The following ADAMTSL3 variants were observed in gnomAD, a reference collection of about 807,000 sequenced individuals.
The protein encoded by ADAMTSL3 is ADAMTS-like protein 3.
Under a neutral mutation model 201.7 loss-of-function variants are expected in ADAMTSL3, and 128 were observed. The ratio of observed to expected loss-of-function variants is 0.63; its 90% confidence interval spans 0.55 to 0.73. The LOEUF is 0.73. ADAMTSL3 is among the 30% of genes least tolerant of loss of function. The pLI, the probability that ADAMTSL3 is intolerant of heterozygous loss-of-function variation, is 0.00. For missense variants in ADAMTSL3, 1,990 were observed against 2,119.6 expected (o/e 0.94, Z 1.20); for synonymous variants, 738 against 748.4 (o/e 0.99, Z 0.23).
chr15:83,874,187 C>T (rs2065135177), intron 9 of ADAMTSL3, among the ~76,000 whole-genome samples: 1 of 126,498 alleles, frequency 7.9e-6, no homozygotes, highest in Non-Finnish European at 1.8e-5. Context: ...GGCAGCGAGC[C>T]ATGAAATTCA....
At chr15:83,768,798 T>C (rs1365938240) in intron 3 of ADAMTSL3, among the ~76,000 whole-genome samples, 1 of 152,184 alleles carries the variant, frequency 6.6e-6, no homozygotes, top group African/African-American at 2.4e-5. Context: ...ATTATGCTGC[T>C]AGGATGAAAG....
rs982397143 is a variant in ADAMTSL3, at chr15:83,841,659, A to G, written c.727+3444A>G. On this transcript the variant is annotated intron_variant, in intron 7 of 29. Coordinates refer to ENST00000286744, the MANE Select transcript of ADAMTSL3 (RefSeq NM_207517.3). ...CTAAAGGATGTCACACTGATACGGG[A>G]GGGGGGGCAGGAAATTGAAGGGCGG... Among the ~76,000 whole-genome samples the G allele has an allele frequency of 1.1e-4, 16 of 148,946 alleles. No individual in the cohort carries two copies. The East Asian group carries it at 2.5e-3, about 23-fold the overall frequency.
At chr15:84,037,394 G>A (rs1402596275) in intron 29 of ADAMTSL3, among the ~76,000 whole-genome samples, 5 of 152,154 alleles carry the variant, frequency 3.3e-5, no homozygotes, top group Non-Finnish European at 5.9e-5. Context: ...TAGGTGTGTA[G>A]CATTCATAAG....
At chr15:83,877,443 C>A (rs1412538007) in intron 9 of ADAMTSL3, among the ~76,000 whole-genome samples, 3 of 152,124 alleles carry the variant, frequency 2.0e-5, no homozygotes, top group South Asian at 2.1e-4. Flanking sequence ...TATTTATGGA[C>A]CCTACTTTGT....
At chr15:83,991,951 G>T (rs576753204) in intron 23 of ADAMTSL3, among the ~76,000 whole-genome samples, 1 of 152,318 alleles carries the variant, frequency 6.6e-6, no homozygotes, top group East Asian at 1.9e-4. Context: ...GGAGAGGTGG[G>T]AGTGAGGGGG....
intron 19 of ADAMTSL3, among the ~76,000 whole-genome samples, chr15:83,953,626 T>A (rs1252400492): frequency 6.6e-6 from 1 of 152,198 alleles, no homozygotes; most frequent in Non-Finnish European, 1.5e-5. Context: ...CTATTACCAG[T>A]GAGTTTTGTA....
intron 9 of ADAMTSL3, 125 bp downstream of exon 9, chr15:83,871,084 AT>A (rs2065072347): frequency 9.2e-7 from 1 of 1,091,016 alleles, no homozygotes; most frequent in African/African-American, 1.6e-5. Flanking sequence ...TGTGTCATCA[AT>A]ATTTCCATCT....
intron 16 of ADAMTSL3, among the ~76,000 whole-genome samples, chr15:83,915,501 TG>T (rs5814167): frequency 0.62 from 92,977 of 150,100 alleles, 29,685 homozygotes; most frequent in African/African-American, 0.78. Context: ...ATTCCTCTTT[TG>T]TTTTTTTTCA....
intron 27 of ADAMTSL3, among the ~76,000 whole-genome samples, chr15:84,027,680 A>T (rs2068335477): frequency 6.6e-6 from 1 of 152,098 alleles, no homozygotes; most frequent in South Asian, 2.1e-4. Flanking sequence ...ACTGCACTCC[A>T]GCCTGGGCGA....
chr15:83,822,198 CG>C (rs2063887658), intron 6 of ADAMTSL3, among the ~76,000 whole-genome samples: 1 of 144,868 alleles, frequency 6.9e-6, no homozygotes, highest in African/African-American at 2.6e-5. Flanking sequence ...CCCTCCCGGA[CG>C]GGGTGGCTGC....
rs192316721 is a variant in ADAMTSL3 at position 83,969,870 on chromosome 15, A to T, written c.2491-614A>T. On this transcript the variant is annotated intron_variant, in intron 19 of 29. Coordinates refer to ENST00000286744, the MANE Select transcript of ADAMTSL3 (RefSeq NM_207517.3). ...GCAATTCAAAATTTATTAAGAAGGT[A>T]GATCTTATGTGAAGTGTTCTAGTCA... 1.1e-4 allele frequency among the ~76,000 whole-genome samples: 16 copies of T among 152,352 alleles called. No homozygotes were observed. In the East Asian group the frequency reaches 1.5e-3, roughly 15 times the overall value.
chr15:83,982,128 C>A, intron 20 of ADAMTSL3, 145 bp from the exon 21 acceptor site: 1 of 671,754 alleles, frequency 1.5e-6, no homozygotes, highest in Non-Finnish European at 2.4e-6. Context: ...TAATGTTATT[C>A]ATGGTTTTAT....
chr15:83,923,321 G>T (rs1481287057), intron 16 of ADAMTSL3, among the ~76,000 whole-genome samples: 1 of 152,134 alleles, frequency 6.6e-6, no homozygotes, highest in Non-Finnish European at 1.5e-5. Context: ...TATTGTGAAA[G>T]CACTTTGTAC....
chr15:83,740,409 AT>A (rs2062435731), intron 3 of ADAMTSL3, among the ~76,000 whole-genome samples: 1 of 152,248 alleles, frequency 6.6e-6, no homozygotes, highest in African/African-American at 2.4e-5. Flanking sequence ...ATACCTTTTT[AT>A]GGGTTGATGA....
chr15:83,971,906 T>TTA (rs1425957212), intron 20 of ADAMTSL3, among the ~76,000 whole-genome samples: 2 of 148,338 alleles, frequency 1.3e-5, no homozygotes, highest in Non-Finnish European at 3.0e-5. Context: ...TATATATGTT[T>TTA]TATATATATG....
chr15:83,908,274 C>G (rs2065876154), intron 15 of ADAMTSL3, among the ~76,000 whole-genome samples: 1 of 152,144 alleles, frequency 6.6e-6, no homozygotes, highest in African/African-American at 2.4e-5. Flanking sequence ...CCTCAGTTTT[C>G]TCATCTGTAA....
intron 19 of ADAMTSL3, among the ~76,000 whole-genome samples, chr15:83,943,435 T>C (rs1048881699): frequency 2.6e-5 from 4 of 152,236 alleles, no homozygotes; most frequent in African/African-American, 9.6e-5. Flanking sequence ...AATCATTCAT[T>C]AAGCCCCGTC....
At chr15:83,674,789 A>ATATATATAT (rs1283432862) in intron 2 of ADAMTSL3, among the ~76,000 whole-genome samples, 10 of 134,306 alleles carry the variant, frequency 7.4e-5, no homozygotes, top group Non-Finnish European at 1.1e-4. Flanking sequence ...ATATATATAT[A>ATATATATAT]AATCTTGCTG....
intron 19 of ADAMTSL3, among the ~76,000 whole-genome samples, chr15:83,954,739 T>G (rs1016901202): frequency 6.6e-6 from 1 of 152,240 alleles, no homozygotes; most frequent in African/African-American, 2.4e-5. Flanking sequence ...GATATCACTT[T>G]GGTGGTCTTG....
Sources: gnomAD v4.1 joint callset for allele counts (sites outside exome capture counted in the v4.1 genomes callset) on GRCh38, gnomAD v4.1.1 for gene constraint, MANE v1.5 for transcripts, NCBI Gene and HGNC (gene_info 2026-07-23, HGNC 2026-07-21) for gene names.